NDUFS6: variants seen among roughly 807,000 people sequenced by gnomAD.
NDUFS6 encodes the protein NADH dehydrogenase [ubiquinone] iron-sulfur protein 6, mitochondrial.
NDUFS6 carries 14 observed loss-of-function variants against 13.2 expected under a neutral mutation model. That is an observed-to-expected ratio of 1.06 (90% CI 0.70 to 1.66). NDUFS6 has a LOEUF of 1.66. Ranked by LOEUF, NDUFS6 falls within the 40% of genes most tolerant of loss-of-function variation. NDUFS6 has a pLI of 0.00. For missense variants in NDUFS6, 206 were observed against 170.8 expected (o/e 1.21, Z -1.15); for synonymous variants, 95 against 72.3 (o/e 1.31, Z -1.60).
intron 2 of NDUFS6, among the ~76,000 whole-genome samples, chr5:1,805,625 A>G (rs929017067): frequency 3.9e-5 from 6 of 152,224 alleles, no homozygotes; most frequent in African/African-American, 1.4e-4. Context: ...CATAAGTCAG[A>G]TGGGGGACTG....
In NDUFS6 at chr5:1,814,321, T is replaced by A. The variant is rs1388170250; in HGVS notation, c.187-18T>A. 6.2e-7 allele frequency: 1 copy of A among 1,614,212 alleles called. No individual in the cohort carries two copies. The highest frequency in any genetic ancestry group is 8.5e-7 in the Non-Finnish European group (1 of 1,180,030). On this transcript the variant is annotated intron_variant, in intron 2 of 3. Transcript: ENST00000274137. This position sits in a 1 kb window ranked among gnomAD's most constrained non-coding sequence, Gnocchi z 4.9. ...AAGTTTGTGTATTTGTTTACGTAAG[T>A]CTTTCTTCTTGTTCCAGGTGAATGA...
At chr5:1,805,427 G>T (rs1734108120) in intron 2 of NDUFS6, among the ~76,000 whole-genome samples, 1 of 152,270 alleles carries the variant, frequency 6.6e-6, no homozygotes, top group Admixed American at 6.5e-5. Flanking sequence ...CAGAAAAACA[G>T]TGGAAAGTAT....
chr5:1,803,896 C>G (rs1734086024), intron 2 of NDUFS6, among the ~76,000 whole-genome samples: 1 of 152,150 alleles, frequency 6.6e-6, no homozygotes, highest in South Asian at 2.1e-4. Context: ...ATTTGCAGGC[C>G]CTTTGGTTTC....
chr5:1,814,931 T>C lies in NDUFS6; in HGVS notation c.309+470T>C, dbSNP rs889792596. On this transcript the variant is annotated intron_variant, in intron 3 of 3. Coordinates refer to ENST00000274137, the MANE Select transcript of NDUFS6 (RefSeq NM_004553.6). The surrounding 1 kb of genome is among the most constrained non-coding windows in gnomAD (Gnocchi z 4.9). ...GTGTCTTCACAGGGCCGTCCCTCTG[T>C]GGGAGACTCCTCATCCCCTCTTCTT... is the stretch of plus-strand genomic sequence containing the variant. Among the ~76,000 whole-genome samples, 9 of 152,100 alleles carry C rather than the reference T, an allele frequency of 5.9e-5. No homozygotes were observed. Among genetic ancestry groups the C allele is most frequent in the Admixed American group, 2.6e-4 (4 of 15,276 alleles).
chr5:1,816,012 C>T lies in NDUFS6; in HGVS notation c.*96C>T, dbSNP rs1207556145. The T allele has an allele frequency of 7.6e-7, 1 of 1,317,572 alleles. No homozygotes were observed. Among genetic ancestry groups the T allele is most frequent in the African/African-American group, 1.4e-5 (1 of 69,030 alleles). The allele number at this position is 1,317,572 out of a possible 1,614,324, so 81.6% of individuals were successfully genotyped here. ...TCGCTGGTTCTGTGCGAAGGGTATT[C>T]CTGGTGCTGAATAAAGGGTGTTGCT... is the stretch of plus-strand genomic sequence containing the variant. On this transcript the variant is annotated 3_prime_UTR_variant, in exon 4 of 4. Coordinates refer to ENST00000274137, the MANE Select transcript of NDUFS6 (RefSeq NM_004553.6).
intron 2 of NDUFS6, among the ~76,000 whole-genome samples, chr5:1,808,612 A>G (rs898524144): frequency 4.6e-5 from 7 of 151,988 alleles, no homozygotes; most frequent in African/African-American, 1.7e-4. Flanking sequence ...TTGCTTCTCT[A>G]TTGTGTCTTT....
At chr5:1,803,096 G>C (rs939725884) in intron 2 of NDUFS6, among the ~76,000 whole-genome samples, 2 of 152,100 alleles carry the variant, frequency 1.3e-5, no homozygotes, top group South Asian at 2.1e-4. Context: ...TGTTCTTCTT[G>C]TTAACACCGT....
At chr5:1,812,583 A>G (rs1734234711) in intron 2 of NDUFS6, among the ~76,000 whole-genome samples, 1 of 127,164 alleles carries the variant, frequency 7.9e-6, no homozygotes, top group Non-Finnish European at 1.8e-5. Flanking sequence ...CTTGTGCCAC[A>G]GTAGAGTGTC....
intron 2 of NDUFS6, among the ~76,000 whole-genome samples, chr5:1,809,437 C>T (rs535972034): frequency 6.6e-6 from 1 of 152,062 alleles, no homozygotes; most frequent in Admixed American, 6.5e-5. Flanking sequence ...CGTGTGAACC[C>T]GGAGCCGGGC....
rs759473851 is a variant in NDUFS6 at position 1,801,526 on chromosome 5, G to A, written c.109G>A (p.Glu37Lys). 5 of 1,594,430 alleles carry A rather than the reference G, an allele frequency of 3.1e-6. No homozygotes were observed. The South Asian group carries it at 4.4e-5, about 14-fold the overall frequency. Residue 37 changes from glutamate to lysine, a missense_variant, in exon 1 of 4, where the codon GAG (glutamate) becomes AAG (lysine). Transcript: ENST00000274137. The stretch of plus-strand genomic sequence containing the variant: ...CGGGGTGCGGGTCTCGCCGACCGGG[G>A]AGAAGGTCACGCACACTGGCCAGGT... ...CFGVRVSPTGEKVTHTGQVYD... is the reference protein window; with the variant it reads ...CFGVRVSPTGKKVTHTGQVYD...
chr5:1,810,127 C>T (rs1201766871), intron 2 of NDUFS6, among the ~76,000 whole-genome samples: 1 of 152,224 alleles, frequency 6.6e-6, no homozygotes, highest in East Asian at 1.9e-4. Flanking sequence ...CCTCTAGTCT[C>T]CAGAAATGAG....
rs758741439 is a variant in NDUFS6, at chr5:1,814,410, G to C, written c.258G>C (p.Ala86=). ...GCGAGGTGGAGACTCGGGTGATAGC[G>C]TGCGATGGCGGCGGGGGAGCTCTTG... ...PVSEVETRVI[A]CDGGGGALGH... Residue 86 remains alanine (A), a synonymous_variant, in exon 3 of 4, where the codon GCG becomes GCC. Coordinates refer to ENST00000274137, the MANE Select transcript of NDUFS6 (RefSeq NM_004553.6). This position sits in a 1 kb window ranked among gnomAD's most constrained non-coding sequence, Gnocchi z 4.9. The C allele has an allele frequency of 1.9e-6, 3 of 1,614,096 alleles. No individual in the cohort carries two copies. The highest frequency in any genetic ancestry group is 2.5e-6 in the Non-Finnish European group (3 of 1,180,002).
Position 1,814,728 on chromosome 5 carries a change from C to T in NDUFS6, c.309+267C>T, listed in dbSNP as rs929985827. 3 of 706,052 alleles carry T rather than the reference C, an allele frequency of 4.2e-6. No individual in the cohort carries two copies. Among genetic ancestry groups the T allele is most frequent in the African/African-American group, 1.7e-5 (1 of 57,190 alleles). The allele number at this position is 706,052 out of a possible 1,614,324, so 43.7% of individuals were successfully genotyped here. On this transcript the variant is annotated intron_variant, in intron 3 of 3. Transcript: ENST00000274137. This position sits in a 1 kb window ranked among gnomAD's most constrained non-coding sequence, Gnocchi z 4.9. ...GCCCAAGCGTCTTTCCTCTCTGGGC[C>T]CTTCTCGGTTTGGTCATCATCTCAG...
At chr5:1,802,428 C>CTAAA (rs1734062596) in intron 2 of NDUFS6, 54 bp downstream of exon 2, 1 of 1,413,166 alleles carries the variant, frequency 7.1e-7, no homozygotes, top group South Asian at 1.2e-5. Flanking sequence ...TTTTATGTAA[C>CTAAA]CAACAAGAAA....
chr5:1,812,558 TAAA>T (rs1227613635), intron 2 of NDUFS6, among the ~76,000 whole-genome samples: 5 of 44,380 alleles, frequency 1.1e-4, no homozygotes, highest in African/African-American at 2.2e-4. Flanking sequence ...TTAGTTGCCT[TAAA>T]AACTTCCCTG....
intron 2 of NDUFS6, among the ~76,000 whole-genome samples, chr5:1,811,234 G>C (rs914910777): frequency 5.3e-5 from 8 of 152,234 alleles, no homozygotes; most frequent in African/African-American, 1.9e-4. Context: ...GTAAATTGTG[G>C]GGGAGTCAAA....
chr5:1,809,415 C>T (rs1456339023), intron 2 of NDUFS6, among the ~76,000 whole-genome samples: 8 of 152,162 alleles, frequency 5.3e-5, no homozygotes, highest in Non-Finnish European at 8.8e-5. Flanking sequence ...GTGTTCACTG[C>T]CGGAGCTTGG....
chr5:1,815,935 G>T lies in NDUFS6; in HGVS notation c.*19G>T, dbSNP rs1561108974. On this transcript the variant is annotated 3_prime_UTR_variant, in exon 4 of 4. Coordinates refer to ENST00000274137, the MANE Select transcript of NDUFS6 (RefSeq NM_004553.6). ...CCACTAGAGCGTGTGGCACGCCGGG[G>T]GTCCCGCAGCATCCTGTGAGCATTT... The T allele has an allele frequency of 6.2e-7, 1 of 1,614,112 alleles. No homozygotes were observed. The highest frequency in any genetic ancestry group is 8.5e-7 in the Non-Finnish European group (1 of 1,179,918).
rs995835913 is a variant in NDUFS6 at position 1,804,341 on chromosome 5, G to A, written c.186+1967G>A. Among the ~76,000 whole-genome samples the A allele has an allele frequency of 3.9e-5, 6 of 152,372 alleles. No individual in the cohort carries two copies. In the East Asian group the frequency reaches 9.6e-4, roughly 24 times the overall value. ...TTGTGTAGCTTCTGGTTTCTGGTTG[G>A]TGTAGCATAGGGTAGTGGGAAACAA... is the stretch of plus-strand genomic sequence containing the variant. On this transcript the variant is annotated intron_variant, in intron 2 of 3. Coordinates refer to ENST00000274137, the MANE Select transcript of NDUFS6 (RefSeq NM_004553.6).
Sources: gnomAD v4.1 joint callset for allele counts (sites outside exome capture counted in the v4.1 genomes callset) on GRCh38, gnomAD v4.1.1 for gene constraint, Gnocchi (gnomAD v3.1) non-coding constraint, MANE v1.5 for transcripts, NCBI Gene and HGNC (gene_info 2026-07-23, HGNC 2026-07-21) for gene names.